Variants in IGSF10 observed in about 807,000 individuals in gnomAD.
The protein encoded by IGSF10 is calvaria mechanical force protein 608.
In IGSF10, 126 loss-of-function variants were observed where a neutral mutation model predicts 128.2. The ratio of observed to expected loss-of-function variants is 0.98; its 90% CI spans 0.85 to 1.14. The LOEUF is 1.14. Among genes scored for constraint, IGSF10 ranks in the 50% most tolerant of loss-of-function variants. The pLI, the probability that IGSF10 is intolerant of heterozygous loss-of-function variation, is 0.00. For synonymous variants in IGSF10, 1,185 were observed against 1,146.2 expected (o/e 1.03, Z -0.68); for missense variants, 3,295 against 3,149.8 (o/e 1.05, Z -1.10).
At position 151,453,380 on chromosome 3, in the gene IGSF10, A is replaced by G. The variant is rs367786107; in HGVS notation, c.715+4T>C. ...TGGGACAAAAAAATAAACAATATAG[A>G]TACCTGGCTTCTCCTGTATCCAGTC... On this transcript the variant is annotated splice_donor_region_variant and intron_variant, in intron 5 of 7. Transcript: ENST00000282466. 6.4e-7 allele frequency: 1 copy of G among 1,571,180 alleles called. No individual in the cohort carries two copies. The highest frequency in any genetic ancestry group is 8.6e-7 in the Non-Finnish European group (1 of 1,165,256).
chr3:151,530,845 A>G, the IGSF10 span, among the ~76,000 whole-genome samples: 3 of 152,208 alleles, frequency 2.0e-5, no homozygotes, highest in Admixed American at 2.0e-4. Context: ...TAATGACGGG[A>G]TCCAATTCAC....
chr3:151,450,895 C>CAAAAAAA lies in IGSF10; in HGVS notation c.716-1637_716-1631dup, dbSNP rs35070766. ...GGGCAACAAGAGCAAAACTCTGTCT[C>CAAAAAAA]AAAAAAAAAAAAAAAAAAAAAAAGA... On this transcript the variant is annotated intron_variant, in intron 5 of 7. Coordinates refer to ENST00000282466, the MANE Select transcript of IGSF10 (RefSeq NM_178822.5). 3.0e-3 allele frequency among the ~76,000 whole-genome samples: 167 copies of CAAAAAAA among 55,388 alleles called. 5 individuals are homozygous for CAAAAAAA. Among genetic ancestry groups the CAAAAAAA allele is most frequent in the African/African-American group, 0.012 (146 of 12,438 alleles). 36.3% of individuals were successfully genotyped at this position (55,388 alleles called of 152,430 possible).
chr3:151,575,530 C>A, the IGSF10 span, among the ~76,000 whole-genome samples: 1 of 152,220 alleles, frequency 6.6e-6, no homozygotes, highest in Non-Finnish European at 1.5e-5. Context: ...ACCCACTGAG[C>A]CAGGTGCAGG....
chr3:151,515,723 G>C, the IGSF10 span, among the ~76,000 whole-genome samples: 1 of 3,952 alleles, frequency 2.5e-4, no homozygotes, highest in Admixed American at 2.8e-3. Context: ...ATTATATTAC[G>C]TGTGTGTGTG....
At chr3:151,571,556 T>C in the IGSF10 span, among the ~76,000 whole-genome samples, 1 of 152,210 alleles carries the variant, frequency 6.6e-6, no homozygotes. Flanking sequence ...CTTGTGATTT[T>C]TGCACATTGA....
At chr3:151,493,728 A>G in the IGSF10 span, among the ~76,000 whole-genome samples, 1 of 152,138 alleles carries the variant, frequency 6.6e-6, no homozygotes, top group South Asian at 2.1e-4. Context: ...TTGCCTAAGG[A>G]CACATTTTTC....
the IGSF10 span, among the ~76,000 whole-genome samples, chr3:151,569,624 C>T: frequency 6.6e-6 from 1 of 152,210 alleles, no homozygotes. Flanking sequence ...GCCACAAAGT[C>T]CTGCCCTGGT....
chr3:151,561,459 G>C, the IGSF10 span, among the ~76,000 whole-genome samples: 1 of 152,116 alleles, frequency 6.6e-6, no homozygotes, highest in African/African-American at 2.4e-5. Flanking sequence ...TCTGTACAAA[G>C]AGGTGTATAA....
chr3:151,491,974 C>A, the IGSF10 span, among the ~76,000 whole-genome samples: 12 of 150,116 alleles, frequency 8.0e-5, 1 homozygote, highest in African/African-American at 2.7e-4. Flanking sequence ...GATATTGCAT[C>A]AAAACCTCAG....
the IGSF10 span, among the ~76,000 whole-genome samples, chr3:151,478,767 GC>G: frequency 6.6e-6 from 1 of 152,202 alleles, no homozygotes; most frequent in South Asian, 2.1e-4. Context: ...CACACACAAG[GC>G]CCATCCTTAG....
At chr3:151,458,475 T>C in intron 3 of IGSF10, 41 bp downstream of exon 3, 1 of 1,479,056 alleles carries the variant, frequency 6.8e-7, no homozygotes, top group South Asian at 1.2e-5. Flanking sequence ...CTGCTGCGAC[T>C]GATCCCTCTT....
chr3:151,475,279 A>G, the IGSF10 span, among the ~76,000 whole-genome samples: 3 of 152,242 alleles, frequency 2.0e-5, no homozygotes, highest in Admixed American at 2.0e-4. Flanking sequence ...TTGTAAACAC[A>G]CAGACCAAAT....
At chr3:151,482,345 G>C in the IGSF10 span, among the ~76,000 whole-genome samples, 1 of 152,078 alleles carries the variant, frequency 6.6e-6, no homozygotes, top group African/African-American at 2.4e-5. Flanking sequence ...ATTTAATAAA[G>C]AGACCGGTAT....
At chr3:151,574,660 G>A in the IGSF10 span, among the ~76,000 whole-genome samples, 3 of 152,080 alleles carry the variant, frequency 2.0e-5, no homozygotes, top group Non-Finnish European at 2.9e-5. Flanking sequence ...TGATGGGTTC[G>A]AACATCCTCC....
chr3:151,532,371 CA>C, the IGSF10 span, among the ~76,000 whole-genome samples: 6 of 151,962 alleles, frequency 3.9e-5, no homozygotes, highest in Middle Eastern at 3.4e-3. Flanking sequence ...AGACACACAA[CA>C]AAAAAAGAAA....
chr3:151,556,102 T>C, the IGSF10 span, among the ~76,000 whole-genome samples: 1 of 152,320 alleles, frequency 6.6e-6, no homozygotes, highest in South Asian at 2.1e-4. Context: ...GAGGCCCCGC[T>C]GGTTAGTCCT....
chr3:151,539,597 A>G, the IGSF10 span, among the ~76,000 whole-genome samples: 1 of 152,144 alleles, frequency 6.6e-6, no homozygotes, highest in Non-Finnish European at 1.5e-5. Flanking sequence ...GGAGATGCAG[A>G]AAAAAATGTG....
the IGSF10 span, among the ~76,000 whole-genome samples, chr3:151,480,793 T>A: frequency 6.6e-6 from 1 of 152,018 alleles, no homozygotes; most frequent in African/African-American, 2.4e-5. Context: ...AGGGCTGAAC[T>A]GAAGTAATAC....
downstream of IGSF10, chr3:151,435,523 A>ATGAT (rs893670707): frequency 9.2e-5 from 14 of 152,208 alleles, no homozygotes; most frequent in South Asian, 2.1e-4. Flanking sequence ...CATGTCTCAA[A>ATGAT]TGATTGGCAG....
Sources: allele counts gnomAD v4.1 joint callset (sites outside exome capture counted in the v4.1 genomes callset), GRCh38; gene constraint gnomAD v4.1.1; transcripts MANE v1.5; gene names NCBI Gene and HGNC (gene_info 2026-07-23, HGNC 2026-07-21).